PPP2R2C: variants seen among roughly 807,000 people sequenced by gnomAD.
The protein encoded by PPP2R2C is protein phosphatase 2 regulatory subunit Bgamma.
Under a neutral mutation model 45.3 loss-of-function variants are expected in PPP2R2C, and 10 were observed. That is an observed-to-expected ratio of 0.22 (90% confidence interval 0.14 to 0.37). The LOEUF is 0.37. Among genes scored for constraint, PPP2R2C ranks in the 10% least tolerant of loss-of-function variants. PPP2R2C has a pLI of 1.00. For synonymous variants in PPP2R2C, 257 were observed against 245.4 expected (o/e 1.05, Z -0.44); for missense variants, 308 against 619.7 (o/e 0.50, Z 5.34).
chr4:6,351,343 T>G, intron 5 of PPP2R2C: 1 of 968,396 alleles, frequency 1.0e-6, no homozygotes, highest in Non-Finnish European at 1.2e-6. Context: ...ATTAATTAAT[T>G]AATAAAAGTA....
intron 5 of PPP2R2C, among the ~76,000 whole-genome samples, chr4:6,369,247 G>T (rs1714599917): frequency 6.6e-6 from 1 of 152,212 alleles, no homozygotes; most frequent in Non-Finnish European, 1.5e-5. Context: ...GCACTCAGCA[G>T]GCACATGGGG....
At chr4:6,465,361 G>A (rs1321962420) in intron 1 of PPP2R2C, among the ~76,000 whole-genome samples, 1 of 152,038 alleles carries the variant, frequency 6.6e-6, no homozygotes, top group African/African-American at 2.4e-5. Context: ...ATTTAATATT[G>A]TAACCCCTCC....
At chr4:6,502,822 A>T (rs1470217377) in intron 2 of PPP2R2C, among the ~76,000 whole-genome samples, 8 of 152,104 alleles carry the variant, frequency 5.3e-5, no homozygotes, top group Admixed American at 2.6e-4. Flanking sequence ...GCCTCCAGTC[A>T]CTGGAGCCGA....
At chr4:6,515,366 A>T (rs1723797036) in intron 2 of PPP2R2C, among the ~76,000 whole-genome samples, 1 of 152,118 alleles carries the variant, frequency 6.6e-6, no homozygotes, top group Admixed American at 6.5e-5. Flanking sequence ...CCAAGCACCT[A>T]CTCTGTGCCA....
At chr4:6,463,527 G>A (rs1721435661) in intron 1 of PPP2R2C, among the ~76,000 whole-genome samples, 2 of 152,206 alleles carry the variant, frequency 1.3e-5, no homozygotes, top group South Asian at 2.1e-4. Context: ...GGAGGACAAT[G>A]GCCCCCACTG....
At position 6,542,297 on chromosome 4, in the gene PPP2R2C, A is replaced by T. The variant is rs139606553; in HGVS notation, c.-58-6920T>A. On this transcript the variant is annotated intron_variant, in intron 1 of 9. Coordinates refer to the PPP2R2C transcript ENST00000506140. ...CCTAGGGGATGCTCCCCCAAACCTC[A>T]TGATCATCTTCAAAAAGATTAATAA... is the stretch of plus-strand genomic sequence containing the variant. 2.6e-3 allele frequency among the ~76,000 whole-genome samples: 395 copies of T among 152,374 alleles called. 4 individuals carry two copies. Among genetic ancestry groups the T allele is most frequent in the African/African-American group, 8.6e-3 (357 of 41,586 alleles).
chr4:6,451,591 G>C (rs1720736622), intron 1 of PPP2R2C, among the ~76,000 whole-genome samples: 1 of 152,152 alleles, frequency 6.6e-6, no homozygotes, highest in South Asian at 2.1e-4. Context: ...GTGTTATGGA[G>C]AAGGTGCTGC....
chr4:6,449,527 C>T (rs1372722591), intron 1 of PPP2R2C, among the ~76,000 whole-genome samples: 1 of 152,256 alleles, frequency 6.6e-6, no homozygotes. Context: ...TGCGGACCCC[C>T]GCCGCCGCCT....
chr4:6,538,481 G>A (rs1218103523), intron 1 of PPP2R2C, among the ~76,000 whole-genome samples: 1 of 152,196 alleles, frequency 6.6e-6, no homozygotes, highest in Non-Finnish European at 1.5e-5. Context: ...TGTTGATGGT[G>A]CTGAACACAC....
intron 1 of PPP2R2C, among the ~76,000 whole-genome samples, chr4:6,559,225 C>T (rs560491776): frequency 6.6e-6 from 1 of 152,328 alleles, no homozygotes; most frequent in African/African-American, 2.4e-5. Flanking sequence ...GCCTGGAGCA[C>T]ATCACTGGCA....
intron 1 of PPP2R2C, among the ~76,000 whole-genome samples, chr4:6,554,931 GAAAGA>G (rs1285133056): frequency 1.3e-5 from 1 of 78,156 alleles, no homozygotes; most frequent in East Asian, 2.7e-4. Context: ...AGGAAGGAAG[GAAAGA>G]AAGAAAGAAA....
chr4:6,415,965 C>A (rs1718551556), intron 1 of PPP2R2C, among the ~76,000 whole-genome samples: 1 of 152,194 alleles, frequency 6.6e-6, no homozygotes. Context: ...CCAAACAGAG[C>A]ACCCCAACTC....
chr4:6,367,576 A>C (rs538846938), intron 5 of PPP2R2C, among the ~76,000 whole-genome samples: 1 of 152,136 alleles, frequency 6.6e-6, no homozygotes, highest in Non-Finnish European at 1.5e-5. Context: ...CCAGCTCCGC[A>C]TGGGGTCTCA....
At chr4:6,512,849 T>A (rs897500996) in intron 2 of PPP2R2C, among the ~76,000 whole-genome samples, 2 of 151,832 alleles carry the variant, frequency 1.3e-5, no homozygotes, top group Non-Finnish European at 2.9e-5. Context: ...TAGCTGTAGG[T>A]TTCAGTTCAA....
chr4:6,554,425 A>T (rs1725292617), intron 1 of PPP2R2C, among the ~76,000 whole-genome samples: 1 of 152,122 alleles, frequency 6.6e-6, no homozygotes, highest in Non-Finnish European at 1.5e-5. Flanking sequence ...TTCGTCCCAG[A>T]CTGCTGGCTG....
chr4:6,552,476 TCTCTCTCC>T (rs1420823300), intron 1 of PPP2R2C, among the ~76,000 whole-genome samples: 4 of 151,930 alleles, frequency 2.6e-5, no homozygotes, highest in African/African-American at 9.7e-5. Flanking sequence ...CATCTTCAAA[TCTCTCTCC>T]CTCTCTTCCT....
rs143109461 is a variant in PPP2R2C at position 6,437,325 on chromosome 4, C to T, written c.70+34835G>A. Among the ~76,000 whole-genome samples the T allele has an allele frequency of 4.4e-3, 668 of 152,314 alleles. 7 individuals are homozygous for T. The highest frequency in any genetic ancestry group is 0.014 in the African/African-American group (600 of 41,562). The stretch of plus-strand genomic sequence containing the variant: ...CACAAGAAATACAACTGTAATTGCT[C>T]AGAAGTAAACTGCATCTCTGGCCTC... On this transcript the variant is annotated intron_variant, in intron 1 of 8. Transcript: ENST00000382599.
chr4:6,381,571 C>A (rs1169896367), intron 1 of PPP2R2C: 3 of 1,424,324 alleles, frequency 2.1e-6, no homozygotes, highest in Non-Finnish European at 9.2e-7. Flanking sequence ...GGGCTTCCCA[C>A]ACAGTAGGAC....
chr4:6,362,096 T>G (rs1187179483), intron 5 of PPP2R2C, among the ~76,000 whole-genome samples: 1 of 151,502 alleles, frequency 6.6e-6, no homozygotes, highest in Admixed American at 6.6e-5. Flanking sequence ...AGAGGCTGGG[T>G]GGCTGAGCAT....
Sources: gnomAD v4.1 joint callset for allele counts (sites outside exome capture counted in the v4.1 genomes callset) on GRCh38, gnomAD v4.1.1 for gene constraint, MANE v1.5 for transcripts, NCBI Gene and HGNC (gene_info 2026-07-23, HGNC 2026-07-21) for gene names.